The following SNX29 variants were observed in gnomAD, a reference collection of about 807,000 sequenced individuals.
SNX29 encodes sorting nexin-29.
Under a neutral mutation model 102.1 loss-of-function variants are expected in SNX29, and 78 were observed. The observed-to-expected ratio is 0.76, with a 90% confidence interval of 0.64 to 0.92. SNX29 has a LOEUF of 0.92. Ranked by LOEUF, SNX29 falls within the 40% of genes least tolerant of loss-of-function variation. The pLI is 0.00. For synonymous variants in SNX29, 580 were observed against 414.5 expected, an observed-to-expected ratio of 1.40 and a Z score of -4.85; for missense variants, 1,280 against 1,061.7, an observed-to-expected ratio of 1.21 and a Z score of -2.86.
In SNX29 at chr16:12,572,250, G is replaced by C. The variant is rs546592665; in HGVS notation, c.*3621G>C. On this transcript the variant is annotated 3_prime_UTR_variant, in exon 21 of 21. Coordinates refer to ENST00000566228, the MANE Select transcript of SNX29 (RefSeq NM_032167.5). ...GAAAGTCGTTTACACCAGGTGGATT[G>C]ATACCATGGCTGTAGCTGATGCAAC... The C allele has an allele frequency of 9.5e-7, 1 of 1,052,114 alleles. No individual in the cohort carries two copies. Among genetic ancestry groups the C allele is most frequent in the Admixed American group, 5.4e-5 (1 of 18,632 alleles). 65.2% of individuals were successfully genotyped at this position (1,052,114 alleles called of 1,614,324 possible).
At chr16:12,446,100 G>T (rs1646307) in intron 18 of SNX29, among the ~76,000 whole-genome samples, 38,664 of 144,530 alleles carry the variant, frequency 0.27, 5,468 homozygotes, top group African/African-American at 0.38. Context: ...GTGTTGCCCA[G>T]CCTGGAGTGC....
intron 20 of SNX29, among the ~76,000 whole-genome samples, chr16:12,561,921 T>C (rs959329843): frequency 6.6e-6 from 1 of 152,148 alleles, no homozygotes; most frequent in East Asian, 1.9e-4. Flanking sequence ...CCAGTTGCCT[T>C]CCAGGTGAGC....
At chr16:12,045,647 T>TA (rs55665160) in intron 5 of SNX29, among the ~76,000 whole-genome samples, 1 of 144,414 alleles carries the variant, frequency 6.9e-6, no homozygotes, top group Non-Finnish European at 1.5e-5. Context: ...TTATTATTAT[T>TA]TTGAGGTGGA....
At chr16:12,115,077 TGGTTCCTTTAGTACA>T (rs1426149895) in intron 11 of SNX29, among the ~76,000 whole-genome samples, 3 of 152,190 alleles carry the variant, frequency 2.0e-5, no homozygotes, top group Non-Finnish European at 2.9e-5. Context: ...AGGGACTCGC[TGGTTCCTTTAGTACA>T]GTCAAGCCCA....
At chr16:12,210,140 C>T (rs1039797362) in intron 14 of SNX29, among the ~76,000 whole-genome samples, 3 of 152,162 alleles carry the variant, frequency 2.0e-5, no homozygotes, top group Non-Finnish European at 4.4e-5. Context: ...CCCACTACGT[C>T]GGCTACTTTC....
intron 19 of SNX29, among the ~76,000 whole-genome samples, chr16:12,523,273 G>A (rs1352096154): frequency 6.6e-6 from 1 of 152,216 alleles, no homozygotes; most frequent in Non-Finnish European, 1.5e-5. Context: ...CCTGGGCGAG[G>A]TACCGAGGCC....
chr16:12,228,796 C>T (rs573963450), intron 14 of SNX29, among the ~76,000 whole-genome samples: 1 of 152,220 alleles, frequency 6.6e-6, no homozygotes, highest in Non-Finnish European at 1.5e-5. Context: ...CCACTGTCCA[C>T]GTGAAAAAGC....
rs143898446 is a variant in SNX29 at position 12,133,479 on chromosome 16, C to T, written c.1595+3721C>T. On this transcript the variant is annotated intron_variant, in intron 13 of 20. Coordinates refer to ENST00000566228, the MANE Select transcript of SNX29 (RefSeq NM_032167.5). ...TAATTTTTGTATCTTTTTGTACAGA[C>T]GGGGTTTTGCCATGTTGCCCAGGCT... Among the ~76,000 whole-genome samples, 101 of 151,578 alleles carry T rather than the reference C, an allele frequency of 6.7e-4. 2 individuals carry two copies. The South Asian group carries it at 0.016, about 24-fold the overall frequency.
chr16:12,415,364 G>C (rs2084586303), intron 18 of SNX29, among the ~76,000 whole-genome samples: 4 of 152,236 alleles, frequency 2.6e-5, no homozygotes. Flanking sequence ...GATGCACTCA[G>C]CAGCTCCTTC....
In SNX29 at chr16:12,061,573, T is replaced by A; in HGVS notation, c.1170T>A (p.Ala390=). The A allele has an allele frequency of 6.2e-7, 1 of 1,611,160 alleles. No homozygotes were observed. Among genetic ancestry groups the A allele is most frequent in the Non-Finnish European group, 8.5e-7 (1 of 1,179,048 alleles). The part of the protein sequence containing the change: ...NTCLSQMHSW[A]PLKVLHNDSD... ...GCCTCTCCCAGATGCACAGCTGGGC[T>A]CCGCTGAAGGTGCTGCACAATGACT... The change falls in exon 9 of 21, where the codon GCT becomes GCA. Residue 390 remains alanine, a synonymous_variant. Coordinates refer to ENST00000566228, the MANE Select transcript of SNX29 (RefSeq NM_032167.5).
At chr16:12,527,658 G>A (rs570197076) in intron 20 of SNX29, among the ~76,000 whole-genome samples, 4 of 152,126 alleles carry the variant, frequency 2.6e-5, no homozygotes, top group Admixed American at 2.0e-4. Context: ...GGCTGGTCCC[G>A]GGGTCCCCAC....
chr16:12,527,112 T>C (rs1186423339), intron 20 of SNX29: 3 of 465,990 alleles, frequency 6.4e-6, no homozygotes, highest in Admixed American at 5.8e-5. Context: ...AAAAGCTCTT[T>C]GGCTTTCCTC....
At chr16:12,236,549 G>A (rs768756839) in intron 14 of SNX29, among the ~76,000 whole-genome samples, 1 of 152,102 alleles carries the variant, frequency 6.6e-6, no homozygotes, top group Non-Finnish European at 1.5e-5. Flanking sequence ...TTAGTTCGAG[G>A]TGTCACCTAC....
intron 3 of SNX29, among the ~76,000 whole-genome samples, chr16:12,020,228 C>G (rs527586062): frequency 6.6e-6 from 1 of 151,896 alleles, no homozygotes; most frequent in Non-Finnish European, 1.5e-5. Flanking sequence ...GCTCAAGCAA[C>G]CCTTCTGTCT....
At chr16:12,479,946 G>A (rs1044630395) in intron 19 of SNX29, among the ~76,000 whole-genome samples, 4 of 152,238 alleles carry the variant, frequency 2.6e-5, no homozygotes, top group South Asian at 2.1e-4. Flanking sequence ...GGGGTGAGTC[G>A]TGACTTAACA....
At chr16:12,075,661 G>C (rs1321320735) in intron 10 of SNX29, among the ~76,000 whole-genome samples, 1 of 152,240 alleles carries the variant, frequency 6.6e-6, no homozygotes, top group Non-Finnish European at 1.5e-5. Flanking sequence ...CAGATTTCCA[G>C]CTGCGTGCTG....
chr16:12,398,397 G>A lies in SNX29; in HGVS notation c.1900-49G>A, dbSNP rs2083794904. The A allele has an allele frequency of 3.1e-6, 5 of 1,588,000 alleles. No individual in the cohort carries two copies. In the South Asian group the frequency reaches 5.5e-5, roughly 18 times the overall value. ...TTCTTCTGTGATTATGCAAACCATG[G>A]TAACCATTATGCATTTTTTCTCCCC... On this transcript the variant is annotated intron_variant, in intron 16 of 20. Transcript: ENST00000566228.
chr16:11,996,806 A>T (rs893877852), intron 1 of SNX29, among the ~76,000 whole-genome samples: 1 of 152,140 alleles, frequency 6.6e-6, no homozygotes, highest in African/African-American at 2.4e-5. Flanking sequence ...GTGTTGGAGG[A>T]CCTTGGCCAG....
chr16:12,009,229 C>T (rs949813352), intron 3 of SNX29, among the ~76,000 whole-genome samples: 18 of 151,950 alleles, frequency 1.2e-4, no homozygotes, highest in African/African-American at 4.1e-4. Context: ...CGAAAAAAAG[C>T]TGCCAAGGTG....
Sources: allele counts gnomAD v4.1 joint callset (sites outside exome capture counted in the v4.1 genomes callset), GRCh38; gene constraint gnomAD v4.1.1; transcripts MANE v1.5; gene names NCBI Gene and HGNC (gene_info 2026-07-23, HGNC 2026-07-21).